Variants in VWA8 observed in about 807,000 individuals in gnomAD.
VWA8 encodes the protein von Willebrand factor A domain containing 8.
VWA8 carries 221 observed loss-of-function variants against 241.5 expected under a neutral mutation model. The observed-to-expected ratio is 0.91, with a 90% CI of 0.82 to 1.02. VWA8 has a LOEUF of 1.02. VWA8 is among the 50% of genes least tolerant of loss of function. The pLI is 0.00. For missense variants in VWA8, 2,322 were observed against 2,328.7 expected (o/e 1.00, Z 0.06); for synonymous variants, 852 against 827.1 (o/e 1.03, Z -0.52).
At chr13:41,825,092 C>T (rs1475411505) in intron 14 of VWA8, among the ~76,000 whole-genome samples, 2 of 152,196 alleles carry the variant, frequency 1.3e-5, no homozygotes, top group Non-Finnish European at 1.5e-5. Flanking sequence ...GCATTTTATA[C>T]AGACCTGCAG....
At chr13:41,777,878 T>C (rs1467510608) in intron 20 of VWA8, 107 bp downstream of exon 20, 11 of 924,920 alleles carry the variant, frequency 1.2e-5, no homozygotes, top group Non-Finnish European at 1.8e-5. Context: ...ATTAAACCAG[T>C]CATTTAATAG....
intron 43 of VWA8, among the ~76,000 whole-genome samples, chr13:41,573,219 C>A (rs1299258499): frequency 6.6e-6 from 1 of 151,360 alleles, no homozygotes; most frequent in Non-Finnish European, 1.5e-5. Flanking sequence ...ACCAGCCTGG[C>A]CAACATAATG....
At chr13:41,762,139 C>G (rs2137907857) in intron 20 of VWA8, among the ~76,000 whole-genome samples, 1 of 152,122 alleles carries the variant, frequency 6.6e-6, no homozygotes. Flanking sequence ...TGGAGCACTT[C>G]AGATTTTGGA....
At chr13:41,840,425 C>A (rs561645425) in intron 12 of VWA8, among the ~76,000 whole-genome samples, 2 of 151,602 alleles carry the variant, frequency 1.3e-5, no homozygotes, top group Non-Finnish European at 2.9e-5. Flanking sequence ...ATGTAACAAA[C>A]CTGCACGTTC....
intron 12 of VWA8, among the ~76,000 whole-genome samples, chr13:41,857,324 C>G (rs1593821492): frequency 6.6e-6 from 1 of 152,216 alleles, no homozygotes; most frequent in South Asian, 2.1e-4. Context: ...TGATGACTTA[C>G]AATTAGCTAG....
intron 2 of VWA8, among the ~76,000 whole-genome samples, chr13:41,924,576 G>C (rs1378535210): frequency 1.3e-5 from 2 of 152,146 alleles, no homozygotes; most frequent in Non-Finnish European, 2.9e-5. Flanking sequence ...TTCAGATGGA[G>C]AGGAGACAAA....
At chr13:41,910,704 T>G (rs532443906) in intron 3 of VWA8, among the ~76,000 whole-genome samples, 23 of 152,260 alleles carry the variant, frequency 1.5e-4, no homozygotes, top group African/African-American at 5.3e-4. Context: ...TGAGGATGGC[T>G]CTACAGTGGC....
chr13:41,834,838 C>T (rs1871643704), intron 12 of VWA8, among the ~76,000 whole-genome samples: 1 of 152,092 alleles, frequency 6.6e-6, no homozygotes, highest in South Asian at 2.1e-4. Flanking sequence ...ACCTAAATGC[C>T]CATCAATGAT....
At chr13:41,742,545 A>G (rs1339848264) in intron 21 of VWA8, among the ~76,000 whole-genome samples, 9 of 152,242 alleles carry the variant, frequency 5.9e-5, no homozygotes, top group Non-Finnish European at 1.2e-4. Flanking sequence ...ACAAAAAACA[A>G]TGAGCTAAAG....
chr13:41,789,251 G>A (rs1488544837), intron 17 of VWA8, among the ~76,000 whole-genome samples: 1 of 152,020 alleles, frequency 6.6e-6, no homozygotes, highest in Non-Finnish European at 1.5e-5. Context: ...ATTGCTCACT[G>A]ATATTTTTTA....
At chr13:41,808,755 G>A (rs1390251391) in intron 17 of VWA8, among the ~76,000 whole-genome samples, 1 of 151,906 alleles carries the variant, frequency 6.6e-6, no homozygotes, top group South Asian at 2.1e-4. Context: ...AACCTACCTA[G>A]AGCAACTGGA....
chr13:41,651,768 G>A (rs1649832155), intron 37 of VWA8, among the ~76,000 whole-genome samples: 1 of 152,088 alleles, frequency 6.6e-6, no homozygotes, highest in African/African-American at 2.4e-5. Flanking sequence ...GGTGCAATTT[G>A]CCAGTCCCTG....
chr13:41,574,600 A>G (rs1246023249), intron 43 of VWA8, among the ~76,000 whole-genome samples: 3 of 152,232 alleles, frequency 2.0e-5, no homozygotes, highest in African/African-American at 4.8e-5. Context: ...ACCAAAAAAG[A>G]GCCCAGATAG....
intron 9 of VWA8, among the ~76,000 whole-genome samples, chr13:41,868,908 GA>G (rs1299121357): frequency 0.014 from 1,682 of 121,798 alleles, 39 homozygotes; most frequent in African/African-American, 0.046. Context: ...AAAAAAAAAG[GA>G]AAAAAAAAAA....
At chr13:41,892,871 A>C (rs1159893913) in intron 4 of VWA8, among the ~76,000 whole-genome samples, 3 of 152,150 alleles carry the variant, frequency 2.0e-5, no homozygotes, top group African/African-American at 7.2e-5. Flanking sequence ...ACCTCCCAAT[A>C]GTCCAAGCTC....
At chr13:41,910,685 T>C (rs1333091307) in intron 3 of VWA8, among the ~76,000 whole-genome samples, 1 of 152,076 alleles carries the variant, frequency 6.6e-6, no homozygotes, top group Non-Finnish European at 1.5e-5. Context: ...ACCTTACATA[T>C]TAATAAAGTG....
rs115071141 is a variant in VWA8, at chr13:41,714,883, G to A, written c.3116+4708C>T. Reference sequence around the variant, plus strand: ...CACGGTCAATGATGAGTTCCAAGTTGGTTACTTAAAATCCCAAGGTCCTTT... The same window carrying A: ...CACGGTCAATGATGAGTTCCAAGTTAGTTACTTAAAATCCCAAGGTCCTTT... On this transcript the variant is annotated intron_variant, in intron 26 of 44. Transcript: ENST00000379310. Among the ~76,000 whole-genome samples the A allele has an allele frequency of 6.5e-3, 989 of 151,888 alleles. 9 individuals carry two copies. The highest frequency in any genetic ancestry group is 0.023 in the African/African-American group (936 of 41,434).
chr13:41,630,277 A>T (rs1409009755), intron 37 of VWA8, among the ~76,000 whole-genome samples: 1 of 149,360 alleles, frequency 6.7e-6, no homozygotes, highest in East Asian at 1.9e-4. Flanking sequence ...CAAATCAACC[A>T]TCAGCCCCTC....
At chr13:41,574,180 A>AAAG (rs993888064) in intron 43 of VWA8, among the ~76,000 whole-genome samples, 1 of 151,588 alleles carries the variant, frequency 6.6e-6, no homozygotes, top group African/African-American at 2.4e-5. Context: ...TCTGTAAAAA[A>AAAG]AAAAAAAAAG....
Sources: allele counts gnomAD v4.1 joint callset (sites outside exome capture counted in the v4.1 genomes callset), GRCh38; gene constraint gnomAD v4.1.1; transcripts MANE v1.5; gene names NCBI Gene and HGNC (gene_info 2026-07-23, HGNC 2026-07-21).